DOCK2: variants seen among roughly 807,000 people sequenced by gnomAD.
The protein encoded by DOCK2 is dedicator of cytokinesis protein 2.
A neutral mutation model predicts 248.9 loss-of-function variants in DOCK2; 87 were observed. That is an observed-to-expected ratio of 0.35 (90% CI 0.29 to 0.42). The LOEUF is 0.42. DOCK2 is among the 10% of genes least tolerant of loss of function. The pLI is 1.00. For missense variants in DOCK2, 1,747 were observed against 2,300.2 expected (o/e 0.76, Z 4.92); for synonymous variants, 805 against 821.6 (o/e 0.98, Z 0.35).
Position 169,881,469 on chromosome 5 carries a change from A to C in DOCK2, c.2799+40617A>C, listed in dbSNP as rs2113501349. The stretch of plus-strand genomic sequence containing the variant: ...TGCAAGACAGAGCATTTGCTGGATA[A>C]ATCTATGGGCAAAAGTCACGTGGGC... On this transcript the variant is annotated intron_variant, in intron 27 of 51. Transcript: ENST00000520908. The C allele has an allele frequency of 2.6e-6, 4 of 1,544,808 alleles. No individual in the cohort carries two copies. In the South Asian group the frequency reaches 4.8e-5, roughly 18 times the overall value.
intron 22 of DOCK2, among the ~76,000 whole-genome samples, chr5:169,730,389 G>A (rs753681087): frequency 6.6e-6 from 1 of 152,164 alleles, no homozygotes; most frequent in Non-Finnish European, 1.5e-5. Context: ...AGAGAAGACT[G>A]GTGCTGGGGG....
intron 6 of DOCK2, among the ~76,000 whole-genome samples, chr5:169,678,318 C>T (rs112030637): frequency 0.016 from 2,434 of 151,950 alleles, 38 homozygotes; most frequent in East Asian, 0.031. Flanking sequence ...ATCTGTCACC[C>T]AGGCTAGAGT....
At chr5:169,793,958 C>T (rs1766497997) in intron 25 of DOCK2, among the ~76,000 whole-genome samples, 1 of 152,170 alleles carries the variant, frequency 6.6e-6, no homozygotes, top group Non-Finnish European at 1.5e-5. Flanking sequence ...GTTGACTGCA[C>T]TGTATGAAGT....
At chr5:169,993,083 TG>T (rs1174334038) in intron 29 of DOCK2, among the ~76,000 whole-genome samples, 17 of 152,232 alleles carry the variant, frequency 1.1e-4, no homozygotes, top group Non-Finnish European at 2.2e-4. Flanking sequence ...TCTTTGATAT[TG>T]TATTCAAGTT....
At chr5:169,972,536 G>A (rs1051879422) in intron 27 of DOCK2, among the ~76,000 whole-genome samples, 2 of 139,018 alleles carry the variant, frequency 1.4e-5, no homozygotes, top group Non-Finnish European at 3.1e-5. Context: ...AAGAGCCACT[G>A]TGAGACAGAT....
chr5:169,647,137 G>T (rs984538330), intron 1 of DOCK2, among the ~76,000 whole-genome samples: 2 of 152,212 alleles, frequency 1.3e-5, no homozygotes, highest in African/African-American at 4.8e-5. Context: ...ATACTTCCTT[G>T]CAGCCTCATG....
chr5:169,696,100 A>C (rs766814667), intron 10 of DOCK2, among the ~76,000 whole-genome samples, 162 bp downstream of exon 10: 4 of 152,310 alleles, frequency 2.6e-5, no homozygotes, highest in Middle Eastern at 3.4e-3. Flanking sequence ...ACTAAATCAA[A>C]ATAATTGGTG....
At chr5:169,875,593 C>G in intron 27 of DOCK2, 1 of 232,702 alleles carries the variant, frequency 4.3e-6, no homozygotes, top group South Asian at 5.2e-5. Context: ...TCGCCTCTCT[C>G]AGCTTCAATT....
intron 38 of DOCK2, 130 bp from the exon 39 acceptor site, chr5:170,045,686 G>T: frequency 7.0e-6 from 6 of 860,382 alleles, no homozygotes; most frequent in Non-Finnish European, 1.2e-5. Context: ...CTGTATGGGG[G>T]TGGATCTGGG....
intron 26 of DOCK2, among the ~76,000 whole-genome samples, chr5:169,817,874 C>T (rs868714085): frequency 2.0e-5 from 3 of 152,230 alleles, no homozygotes; most frequent in African/African-American, 7.2e-5. Context: ...ACTGATCCTC[C>T]CATCTTCAAT....
At chr5:170,041,001 G>A in intron 36 of DOCK2, 54 bp from the exon 37 acceptor site, 1 of 1,518,724 alleles carries the variant, frequency 6.6e-7, no homozygotes, top group Non-Finnish European at 9.1e-7. Flanking sequence ...GTCCCTGCCA[G>A]GTGTCTCCTT....
intron 34 of DOCK2, 101 bp downstream of exon 34, chr5:170,028,049 G>C: frequency 9.7e-7 from 1 of 1,031,032 alleles, no homozygotes; most frequent in Non-Finnish European, 1.4e-6. Context: ...TCCTCCCCTG[G>C]AGATGGATCT....
At chr5:169,856,918 TG>T (rs758321376) in intron 27 of DOCK2, among the ~76,000 whole-genome samples, 4 of 152,234 alleles carry the variant, frequency 2.6e-5, no homozygotes, top group Non-Finnish European at 5.9e-5. Flanking sequence ...TAAAGGTTTT[TG>T]TCAGGAGCAA....
intron 49 of DOCK2, 136 bp from the exon 50 acceptor site, chr5:170,080,027 A>G: frequency 6.8e-7 from 1 of 1,467,344 alleles, no homozygotes; most frequent in Non-Finnish European, 9.2e-7. Context: ...GGTATAATAC[A>G]GAATAAATGA....
chr5:169,989,083 T>G (rs1258572468), intron 29 of DOCK2, among the ~76,000 whole-genome samples: 1 of 152,262 alleles, frequency 6.6e-6, no homozygotes, highest in East Asian at 1.9e-4. Context: ...ACTTATGATT[T>G]CTGTGTTATG....
intron 1 of DOCK2, among the ~76,000 whole-genome samples, chr5:169,651,992 C>T (rs953935924): frequency 2.0e-5 from 3 of 152,206 alleles, no homozygotes; most frequent in Non-Finnish European, 4.4e-5. Context: ...ACTACATTTA[C>T]TGAGCACTTA....
intron 27 of DOCK2, among the ~76,000 whole-genome samples, chr5:169,972,542 C>T (rs890622987): frequency 2.1e-5 from 3 of 141,330 alleles, no homozygotes; most frequent in African/African-American, 8.0e-5. Context: ...CACTGTGAGA[C>T]AGATAGATAG....
chr5:169,817,251 T>C (rs1429449792), intron 26 of DOCK2, among the ~76,000 whole-genome samples: 1 of 152,256 alleles, frequency 6.6e-6, no homozygotes, highest in East Asian at 1.9e-4. Flanking sequence ...TATATGCAGC[T>C]TGACATTTGC....
chr5:169,640,842 C>T (rs775984719), intron 1 of DOCK2, among the ~76,000 whole-genome samples: 11 of 152,146 alleles, frequency 7.2e-5, no homozygotes, highest in Admixed American at 5.2e-4. Context: ...GCATCCAGCT[C>T]AAAATAATCA....
Sources: allele counts gnomAD v4.1 joint callset (sites outside exome capture counted in the v4.1 genomes callset), GRCh38; gene constraint gnomAD v4.1.1; transcripts MANE v1.5; gene names NCBI Gene and HGNC (gene_info 2026-07-23, HGNC 2026-07-21).